The following MIPEP variants were observed in gnomAD, a reference collection of about 807,000 sequenced individuals.
MIPEP encodes the protein mitochondrial intermediate peptidase.
MIPEP carries 79 observed loss-of-function variants against 90.3 expected under a neutral mutation model. The ratio of observed to expected loss-of-function variants is 0.87; its 90% confidence interval spans 0.73 to 1.05. The LOEUF (loss-of-function observed/expected upper bound fraction) is 1.05, where lower values mean the gene tolerates loss of function less well. Ranked by LOEUF, MIPEP falls within the 50% of genes least tolerant of loss-of-function variation. MIPEP has a pLI of 0.00. For missense variants in MIPEP, 940 were observed against 905.6 expected (o/e 1.04, Z -0.49); for synonymous variants, 334 against 315.8 (o/e 1.06, Z -0.61).
At chr13:23,885,959 C>A (rs573637920) in intron 2 of MIPEP, among the ~76,000 whole-genome samples, 1 of 148,778 alleles carries the variant, frequency 6.7e-6, no homozygotes, top group South Asian at 2.2e-4. Context: ...TAAATGTACA[C>A]ATAAAGTGTT....
chr13:23,817,798 G>A (rs1361409461), intron 14 of MIPEP, among the ~76,000 whole-genome samples: 1 of 151,950 alleles, frequency 6.6e-6, no homozygotes, highest in Admixed American at 6.6e-5. Flanking sequence ...TCCAAAATTT[G>A]TTTTACTGAT....
chr13:23,877,468 T>C (rs1242247472), intron 4 of MIPEP, among the ~76,000 whole-genome samples: 1 of 152,208 alleles, frequency 6.6e-6, no homozygotes, highest in Non-Finnish European at 1.5e-5. Context: ...TGAAAGCTCT[T>C]AATGGCTTTG....
At chr13:23,822,611 G>A (rs1392341305) in intron 14 of MIPEP, among the ~76,000 whole-genome samples, 10 of 152,124 alleles carry the variant, frequency 6.6e-5, no homozygotes, top group Admixed American at 5.9e-4. Flanking sequence ...AGGGAGTGGG[G>A]GCCCCACCCT....
At chr13:23,830,552 A>C (rs1868691154) in intron 14 of MIPEP, among the ~76,000 whole-genome samples, 1 of 152,168 alleles carries the variant, frequency 6.6e-6, no homozygotes, top group African/African-American at 2.4e-5. Context: ...TTAAATATTA[A>C]ATAAAAGAGA....
chr13:23,827,219 A>G (rs1797260830), intron 14 of MIPEP, among the ~76,000 whole-genome samples: 1 of 152,192 alleles, frequency 6.6e-6, no homozygotes, highest in Admixed American at 6.5e-5. Flanking sequence ...TAACAGAGAG[A>G]AAAAAATGAG....
At chr13:23,750,602 C>A in intron 18 of MIPEP, among the ~76,000 whole-genome samples, 1 of 152,232 alleles carries the variant, frequency 6.6e-6, no homozygotes, top group Middle Eastern at 3.4e-3. Flanking sequence ...TGACTGAGGT[C>A]GTATTTGTCA....
chr13:23,741,907 T>A (rs1952333702), intron 18 of MIPEP, among the ~76,000 whole-genome samples: 1 of 152,196 alleles, frequency 6.6e-6, no homozygotes, highest in Non-Finnish European at 1.5e-5. Flanking sequence ...ATTAATTAAT[T>A]AAGTTCCATT....
intron 14 of MIPEP, among the ~76,000 whole-genome samples, chr13:23,815,742 C>T (rs1336372115): frequency 6.6e-6 from 1 of 152,110 alleles, no homozygotes; most frequent in African/African-American, 2.4e-5. Context: ...CAAAAAAACC[C>T]CACAATGAAA....
rs1176668644 is a variant in MIPEP, at chr13:23,792,062, G to A, written c.1848+13888C>T. Among the ~76,000 whole-genome samples, 5 of 151,934 alleles carry A rather than the reference G, an allele frequency of 3.3e-5. No individual in the cohort carries two copies. The East Asian group carries it at 7.7e-4, about 23-fold the overall frequency. On this transcript the variant is annotated intron_variant, in intron 16 of 18. Coordinates refer to ENST00000382172, the MANE Select transcript of MIPEP (RefSeq NM_005932.4). ...CCCTCTTTTTCCTCCTGCCTCATTG[G>A]TGTCTCCCTCTCAATTCACCTTTTT...
chr13:23,875,027 A>AACACACACACACACACACACACACAC (rs10595689), intron 4 of MIPEP, 118 bp from the exon 5 acceptor site: 1 of 364,684 alleles, frequency 2.7e-6, no homozygotes, highest in Non-Finnish European at 5.0e-6. Context: ...GTTTCTTCAA[A>AACACACACACACACACACACACACAC]ACACACACAC....
chr13:23,875,615 G>T (rs1414064491), intron 4 of MIPEP, among the ~76,000 whole-genome samples: 2 of 149,732 alleles, frequency 1.3e-5, no homozygotes, highest in East Asian at 2.0e-4. Flanking sequence ...TACTCTTTTG[G>T]CTTTCCTTGA....
chr13:23,839,815 T>C (rs1225611471), intron 11 of MIPEP, 89 bp from the exon 12 acceptor site: 10 of 808,770 alleles, frequency 1.2e-5, no homozygotes, highest in East Asian at 2.5e-5. Context: ...TAAACATCCA[T>C]AGCCACACAT....
At chr13:23,839,628 A>G in intron 12 of MIPEP, 21 bp downstream of exon 12, 1 of 1,572,306 alleles carries the variant, frequency 6.4e-7, no homozygotes, top group Non-Finnish European at 8.7e-7. Flanking sequence ...TAGAGAGACC[A>G]GTTTATAAAG....
intron 9 of MIPEP, among the ~76,000 whole-genome samples, chr13:23,859,974 T>C (rs768973024): frequency 8.5e-5 from 13 of 152,238 alleles, no homozygotes; most frequent in African/African-American, 3.1e-4. Context: ...AGGGACTGCG[T>C]CCATGGAACC....
At chr13:23,771,589 A>G (rs1952652291) in intron 16 of MIPEP, among the ~76,000 whole-genome samples, 1 of 151,892 alleles carries the variant, frequency 6.6e-6, no homozygotes, top group Non-Finnish European at 1.5e-5. Context: ...CTGAAGTGAC[A>G]AAACAAAATT....
At chr13:23,779,543 C>T (rs1198258686) in intron 16 of MIPEP, among the ~76,000 whole-genome samples, 1 of 152,090 alleles carries the variant, frequency 6.6e-6, no homozygotes, top group African/African-American at 2.4e-5. Flanking sequence ...ACGCAGAAGA[C>T]GGGTGATTTC....
At chr13:23,812,732 T>C (rs1279852787) in intron 14 of MIPEP, among the ~76,000 whole-genome samples, 1 of 152,164 alleles carries the variant, frequency 6.6e-6, no homozygotes, top group Non-Finnish European at 1.5e-5. Context: ...GAAAACTGGG[T>C]GAAGGGGACA....
chr13:23,767,850 A>T (rs1952606940), intron 16 of MIPEP, among the ~76,000 whole-genome samples: 1 of 152,200 alleles, frequency 6.6e-6, no homozygotes, highest in Non-Finnish European at 1.5e-5. Flanking sequence ...CTACTGGCAG[A>T]GATTAGTAAG....
At chr13:23,781,074 C>G (rs571682426) in intron 16 of MIPEP, among the ~76,000 whole-genome samples, 1 of 152,198 alleles carries the variant, frequency 6.6e-6, no homozygotes, top group East Asian at 1.9e-4. Context: ...GCAAGGCAGG[C>G]CAACATTCAA....
Sources: gnomAD v4.1 joint callset for allele counts (sites outside exome capture counted in the v4.1 genomes callset) on GRCh38, gnomAD v4.1.1 for gene constraint, MANE v1.5 for transcripts, NCBI Gene and HGNC (gene_info 2026-07-23, HGNC 2026-07-21) for gene names.